Variants in C5 observed in about 807,000 individuals in gnomAD.
The protein encoded by C5 is complement C5.
C5 carries 140 observed loss-of-function variants against 218.8 expected under a neutral mutation model. The ratio of observed to expected loss-of-function variants is 0.64; its 90% CI spans 0.56 to 0.74. C5 has a LOEUF of 0.74. Among genes scored for constraint, C5 ranks in the 30% least tolerant of loss-of-function variants. The probability of loss-of-function intolerance (pLI) is 0.00; values close to 1 mark genes in which losing one functional copy is unlikely to be tolerated. For synonymous variants in C5, 614 were observed against 682.3 expected, an observed-to-expected ratio of 0.90 and a Z score of 1.56; for missense variants, 1,700 against 1,969.6, an observed-to-expected ratio of 0.86 and a Z score of 2.59.
intron 7 of C5, 30 bp from the exon 8 acceptor site, chr9:121,027,304 CTAA>C: frequency 9.8e-7 from 1 of 1,020,508 alleles, no homozygotes. Flanking sequence ...AACTGTTTTA[CTAA>C]CATGGTTACA....
At chr9:121,027,643 A>G (rs982248882) in intron 7 of C5, among the ~76,000 whole-genome samples, 7 of 152,190 alleles carry the variant, frequency 4.6e-5, no homozygotes, top group Non-Finnish European at 1.0e-4. Context: ...CTAGCCATAT[A>G]TAGAAAGCTG....
chr9:121,021,410 C>A, intron 11 of C5, 99 bp downstream of exon 11: 1 of 897,912 alleles, frequency 1.1e-6, no homozygotes, highest in Non-Finnish European at 1.8e-6. Flanking sequence ...TCACTGGACT[C>A]ATGTGTAAAA....
At chr9:120,989,517 A>C (rs2131710577) in intron 24 of C5, 51 bp downstream of exon 24, 1 of 1,172,808 alleles carries the variant, frequency 8.5e-7, no homozygotes, top group African/African-American at 1.6e-5. Flanking sequence ...TTTAATAAAA[A>C]TATTAGTTTA....
chr9:121,014,075 A>G lies in C5; in HGVS notation c.2060-5T>C, dbSNP rs749771697. ...CTGAATGTTTATATTTAGCAGCTGA[A>G]ATGGTAATAATGCAAGTGCTCTTGA... On this transcript the variant is annotated splice_polypyrimidine_tract_variant and splice_region_variant and intron_variant, in intron 16 of 40. Transcript: ENST00000223642. 5 of 1,612,306 alleles carry G rather than the reference A, an allele frequency of 3.1e-6. No homozygotes were observed. The South Asian group carries it at 5.5e-5, about 18-fold the overall frequency.
chr9:120,960,324 T>C lies in C5; in HGVS notation c.4602A>G (p.Gln1534=), dbSNP rs1168279510. The change falls in exon 38 of 41, where the codon CAA becomes CAG. Residue 1534 remains glutamine (Q), a synonymous_variant. Coordinates refer to ENST00000223642, the MANE Select transcript of C5 (RefSeq NM_001735.3). The part of the protein sequence containing the change: ...ACKCVEADCG[Q]MQEELDLTIS... ...TTGTCAGATCCAATTCTTCCTGCAT[T>C]TGCCCACAATCAGCTGGATTTTGTG... The C allele has an allele frequency of 2.5e-6, 4 of 1,612,442 alleles. No individual in the cohort carries two copies. Among genetic ancestry groups the C allele is most frequent in the Middle Eastern group, 1.6e-4 (1 of 6,082 alleles).
intron 33 of C5, among the ~76,000 whole-genome samples, chr9:120,965,521 A>AAAAT (rs201361366): frequency 0.087 from 12,729 of 147,020 alleles, 653 homozygotes; most frequent in South Asian, 0.16. Context: ...CTCTGCCTCA[A>AAAAT]AAATAAATAA....
At chr9:121,022,541 CT>C (rs1160430339) in intron 10 of C5, among the ~76,000 whole-genome samples, 3 of 148,420 alleles carry the variant, frequency 2.0e-5, no homozygotes, top group African/African-American at 4.9e-5. Flanking sequence ...TTGGTAAATC[CT>C]TTTTTTTCTT....
rs1219947197 is a variant in C5 at position 120,996,240 on chromosome 9, C to A, written c.2851G>T (p.Gly951Cys). ...GVTLDPRGIY[G>C]TISRRKEFPY... The stretch of plus-strand genomic sequence containing the variant: ...TAAAATAAAAAATCATTTTGCCTAC[C>A]ATAAATACCCCTAGGATCCAAAGTA... Residue 951 changes from glycine (G) to cysteine (C), a missense_variant and splice_region_variant, in exon 22 of 41, where the codon GGT becomes TGT. By Grantham distance (159) the Gly-to-Cys change is radical. Coordinates refer to ENST00000223642, the MANE Select transcript of C5 (RefSeq NM_001735.3). The A allele has an allele frequency of 1.2e-6, 2 of 1,603,280 alleles. No homozygotes were observed. The highest frequency in any genetic ancestry group is 2.2e-5 in the South Asian group (2 of 90,830).
At chr9:121,074,712 A>G in the C5 span, 5 of 431,982 alleles carry the variant, frequency 1.2e-5, no homozygotes, top group African/African-American at 1.0e-4. Flanking sequence ...CAGCTGCCGC[A>G]TGAAACCTCG....
intron 31 of C5, 112 bp from the exon 32 acceptor site, chr9:120,970,363 T>C (rs545470614): frequency 1.6e-5 from 12 of 749,758 alleles, no homozygotes; most frequent in South Asian, 1.6e-4. Context: ...ATTTTCATAA[T>C]CCAGCACAAA....
chr9:120,984,401 A>C (rs1222721000), intron 25 of C5, among the ~76,000 whole-genome samples: 1 of 152,142 alleles, frequency 6.6e-6, no homozygotes, highest in Non-Finnish European at 1.5e-5. Flanking sequence ...GCTCAGGTTC[A>C]AGGACACTCA....
the C5 span, among the ~76,000 whole-genome samples, chr9:121,061,552 A>G: frequency 6.6e-6 from 1 of 152,220 alleles, no homozygotes; most frequent in East Asian, 1.9e-4. Flanking sequence ...TCTCAAAAAA[A>G]AGCCTTTTCC....
In C5 at chr9:121,016,018, G is replaced by A. The variant is rs1462843865; in HGVS notation, c.1996+236C>T. On this transcript the variant is annotated intron_variant, in intron 15 of 40. Transcript: ENST00000223642. ...GAGCTTAAACATAACGTAAGGCACA[G>A]CAGGGTAAGAGCTAGTTGGAGAGAG... is the stretch of plus-strand genomic sequence containing the variant. 2.0e-5 allele frequency among the ~76,000 whole-genome samples: 3 copies of A among 152,236 alleles called. No homozygotes were observed. The East Asian group carries it at 5.8e-4, about 29-fold the overall frequency.
chr9:120,976,763 A>G lies in C5; in HGVS notation c.3801T>C (p.Val1267=), dbSNP rs1454249447. 2.5e-6 allele frequency: 4 copies of G among 1,614,040 alleles called. No homozygotes were observed. The highest frequency in any genetic ancestry group is 8.5e-7 in the Non-Finnish European group (1 of 1,180,020). The part of the protein sequence containing the change: ...TSLNLKDINY[V]NPVIKWLSEE... ...CTGATAGCCATTTGATGACTGGGTTAACATAATTTATATCTTTCAAGTTCA... is the reference window on the plus strand; with the variant it reads ...CTGATAGCCATTTGATGACTGGGTTGACATAATTTATATCTTTCAAGTTCA... The change falls in exon 29 of 41, where the codon GTT becomes GTC. Residue 1267 remains valine, a synonymous_variant. Coordinates refer to ENST00000223642, the MANE Select transcript of C5 (RefSeq NM_001735.3).
intron 28 of C5, 107 bp downstream of exon 28, chr9:120,979,976 A>G (rs907056657): frequency 2.2e-6 from 2 of 908,092 alleles, no homozygotes; most frequent in African/African-American, 1.6e-5. Context: ...CCTTGAGGAC[A>G]GGAATTGCAT....
intron 28 of C5, among the ~76,000 whole-genome samples, chr9:120,977,770 G>A (rs1016540742): frequency 3.3e-5 from 5 of 152,216 alleles, no homozygotes; most frequent in African/African-American, 9.6e-5. Context: ...GGAAGGGGCA[G>A]TTTAGTAGAG....
intron 39 of C5, among the ~76,000 whole-genome samples, chr9:120,954,821 C>T (rs1274906067): frequency 2.0e-5 from 3 of 152,166 alleles, no homozygotes; most frequent in Admixed American, 6.5e-5. Context: ...TCAGTGTACA[C>T]CCATTAGTTC....
intron 17 of C5, among the ~76,000 whole-genome samples, chr9:121,011,190 A>G (rs746864312): frequency 1.2e-4 from 18 of 152,318 alleles, no homozygotes; most frequent in Middle Eastern, 3.4e-3. Context: ...TAAGCAGACA[A>G]CCTACAGAAT....
chr9:120,989,252 A>G (rs2047057631), intron 24 of C5, 131 bp from the exon 25 acceptor site: 1 of 761,736 alleles, frequency 1.3e-6, no homozygotes, highest in Non-Finnish European at 2.4e-6. Context: ...TGTGGCCAGC[A>G]TTGAACTTCT....
Sources: gnomAD v4.1 joint callset for allele counts (sites outside exome capture counted in the v4.1 genomes callset) on GRCh38, gnomAD v4.1.1 for gene constraint, MANE v1.5 for transcripts, NCBI Gene and HGNC (gene_info 2026-07-23, HGNC 2026-07-21) for gene names.